The following ORC2 variants were observed in gnomAD, a reference collection of about 807,000 sequenced individuals.
ORC2 encodes origin recognition complex subunit 2, also known as origin recognition complex protein 2 homolog.
In ORC2, 37 loss-of-function variants were observed where a neutral mutation model predicts 77.7. That is an observed-to-expected ratio of 0.48 (90% CI 0.37 to 0.63). The LOEUF (loss-of-function observed/expected upper bound fraction) is 0.63, where lower values mean the gene tolerates loss of function less well. Ranked by LOEUF, ORC2 falls within the 20% of genes least tolerant of loss-of-function variation. The pLI is 0.00. For missense variants in ORC2, 557 were observed against 661.9 expected, an observed-to-expected ratio of 0.84 and a Z score of 1.74; for synonymous variants, 201 against 229.5, an observed-to-expected ratio of 0.88 and a Z score of 1.12.
chr2:200,956,955 T>A (rs1040279630), intron 4 of ORC2, among the ~76,000 whole-genome samples: 7 of 151,870 alleles, frequency 4.6e-5, no homozygotes, highest in South Asian at 4.2e-4. Context: ...AGGTGGGAGT[T>A]GAAAAATGAG....
chr2:200,941,666 C>T (rs759582775), intron 6 of ORC2, among the ~76,000 whole-genome samples: 11 of 151,918 alleles, frequency 7.2e-5, no homozygotes, highest in Admixed American at 1.3e-4. Context: ...ACAAGAAAAA[C>T]GGAGCCCTTT....
chr2:200,945,682 CTCTG>C (rs1216417597), intron 5 of ORC2, among the ~76,000 whole-genome samples: 1 of 152,054 alleles, frequency 6.6e-6, no homozygotes, highest in Non-Finnish European at 1.5e-5. Flanking sequence ...ATAAACTGGT[CTCTG>C]TCTAATGATA....
chr2:200,917,903 A>T (rs867438827), intron 15 of ORC2, among the ~76,000 whole-genome samples: 60 of 141,136 alleles, frequency 4.3e-4, no homozygotes, highest in Non-Finnish European at 6.5e-4. Flanking sequence ...AGGGGGGGTT[A>T]AAAAAAAAAA....
intron 5 of ORC2, among the ~76,000 whole-genome samples, chr2:200,943,902 T>C (rs2041201241): frequency 6.6e-6 from 1 of 152,120 alleles, no homozygotes; most frequent in Non-Finnish European, 1.5e-5. Flanking sequence ...ATTTCATCTC[T>C]TCTTCACTGT....
At chr2:200,935,648 T>C in intron 9 of ORC2, 51 bp downstream of exon 9, 1 of 1,312,858 alleles carries the variant, frequency 7.6e-7, no homozygotes, top group Non-Finnish European at 1.0e-6. Context: ...AGCCTATCTT[T>C]GAAATATTAC....
intron 13 of ORC2, among the ~76,000 whole-genome samples, chr2:200,925,018 C>G (rs2040819691): frequency 6.6e-6 from 1 of 152,152 alleles, no homozygotes; most frequent in South Asian, 2.1e-4. Flanking sequence ...GCTCGGCCTC[C>G]CAAAGTGCTG....
intron 1 of ORC2, among the ~76,000 whole-genome samples, chr2:200,961,827 T>C (rs1316693861): frequency 6.6e-6 from 1 of 152,232 alleles, no homozygotes; most frequent in Non-Finnish European, 1.5e-5. Context: ...TTTTTGGCTC[T>C]GAGCTTCCTG....
chr2:200,954,904 G>GAATGAATGAATAAATAAATAAATA (rs549218395), intron 4 of ORC2, among the ~76,000 whole-genome samples: 1 of 144,628 alleles, frequency 6.9e-6, no homozygotes, highest in Non-Finnish European at 1.5e-5. Flanking sequence ...ATGAATGAAT[G>GAATGAATGAATAAATAAATAAATA]AATAAATAAA....
chr2:200,922,294 T>C (rs1353891608), intron 13 of ORC2, among the ~76,000 whole-genome samples: 2 of 149,364 alleles, frequency 1.3e-5, no homozygotes, highest in African/African-American at 4.9e-5. Context: ...CCAAGGTCAC[T>C]GGGCTTGGTA....
At chr2:200,945,578 A>G (rs1410884165) in intron 5 of ORC2, among the ~76,000 whole-genome samples, 1 of 151,568 alleles carries the variant, frequency 6.6e-6, no homozygotes, top group East Asian at 1.9e-4. Flanking sequence ...AAAAATTATG[A>G]TATTATTTGT....
rs868090860 is a variant in ORC2 at position 200,925,742 on chromosome 2, A to G, written c.1147+94T>C. On this transcript the variant is annotated intron_variant, in intron 13 of 17. Coordinates refer to ENST00000234296, the MANE Select transcript of ORC2 (RefSeq NM_006190.5). The stretch of plus-strand genomic sequence containing the variant: ...CAACAGAGAGACTGTCTCAAAAATA[A>G]TAATAATAATATTGTATGTATATAA... 5 of 399,792 alleles carry G rather than the reference A, an allele frequency of 1.3e-5. No individual in the cohort carries two copies. In the Middle Eastern group the frequency reaches 4.1e-3, roughly 330 times the overall value. The allele number at this position is 399,792 out of a possible 1,614,324, so 24.8% of individuals were successfully genotyped here.
intron 6 of ORC2, 145 bp downstream of exon 6, chr2:200,942,540 T>C (rs2041172994): frequency 2.0e-6 from 1 of 495,184 alleles, no homozygotes. Context: ...GGTACATGAG[T>C]TGAAATATTA....
intron 5 of ORC2, 176 bp from the exon 6 acceptor site, chr2:200,942,953 A>G: frequency 2.5e-6 from 1 of 403,854 alleles, no homozygotes; most frequent in South Asian, 6.3e-5. Flanking sequence ...TCTTCCCAGA[A>G]TCTTCAAATT....
chr2:200,949,627 G>A lies in ORC2; in HGVS notation c.255C>T (p.Gly85=). Residue 85 remains glycine (G), a synonymous_variant, in exon 5 of 18, where the codon GGC becomes GGT. Coordinates refer to ENST00000234296, the MANE Select transcript of ORC2 (RefSeq NM_006190.5). ...GRDVQESLKN[G]SATGGGNKVY... ...CTTTATTTCCACCACCTGTAGCAGAGCCATTTTTCAATGATTCTGAAAGAA... is the reference window on the plus strand; with the variant it reads ...CTTTATTTCCACCACCTGTAGCAGAACCATTTTTCAATGATTCTGAAAGAA... 6.3e-7 allele frequency: 1 copy of A among 1,590,456 alleles called. No individual in the cohort carries two copies. Among genetic ancestry groups the A allele is most frequent in the Non-Finnish European group, 8.6e-7 (1 of 1,162,856 alleles).
Position 200,942,704 on chromosome 2 carries a change from G to A in ORC2, c.402C>T (p.Asn134=), listed in dbSNP as rs375562865. 6.3e-5 allele frequency: 101 copies of A among 1,604,392 alleles called. No homozygotes were observed. Among genetic ancestry groups the A allele is most frequent in the Middle Eastern group, 1.7e-4 (1 of 6,026 alleles). The change falls in exon 6 of 18, where the codon AAC becomes AAT. Residue 134 remains asparagine (N), a synonymous_variant. Coordinates refer to ENST00000234296, the MANE Select transcript of ORC2 (RefSeq NM_006190.5). Reference sequence around the variant, plus strand: ...TCTTACCCTTGCTACTTTGAGGAACGTTTATCGTAATCTCAGGATCATTCT... The same window carrying A: ...TCTTACCCTTGCTACTTTGAGGAACATTTATCGTAATCTCAGGATCATTCT... ...SLKNDPEITI[N]VPQSSKGHSA...
rs2040845556 is a variant in ORC2 at position 200,926,843 on chromosome 2, C to T, written c.975G>A (p.Arg325=). ...GLGSKRDLLE[R]FRTTMLQDSI... is the part of the protein sequence containing the mutation. ...AATCTTGCAGCATAGTGGTTCGAAA[C>T]CTTTCTAGTAAATCTCTCTTAGAAC... is the stretch of plus-strand genomic sequence containing the variant. The change falls in exon 12 of 18, where the codon AGG becomes AGA. Residue 325 remains arginine, a synonymous_variant. Coordinates refer to ENST00000234296, the MANE Select transcript of ORC2 (RefSeq NM_006190.5). 2 of 1,613,778 alleles carry T rather than the reference C, an allele frequency of 1.2e-6. No individual in the cohort carries two copies. The highest frequency in any genetic ancestry group is 1.7e-6 in the Non-Finnish European group (2 of 1,179,732).
chr2:200,929,719 C>A (rs2040905046), intron 11 of ORC2, among the ~76,000 whole-genome samples: 3 of 151,950 alleles, frequency 2.0e-5, no homozygotes, highest in African/African-American at 7.3e-5. Flanking sequence ...ATTGCTTGAA[C>A]CCAGGAGGTT....
chr2:200,927,963 C>T (rs1016326158), intron 11 of ORC2, among the ~76,000 whole-genome samples: 22 of 151,542 alleles, frequency 1.5e-4, no homozygotes, highest in Non-Finnish European at 2.4e-4. Context: ...GCTGGGATTA[C>T]AGGCATGAGC....
intron 13 of ORC2, among the ~76,000 whole-genome samples, chr2:200,924,793 C>T (rs2040816207): frequency 6.6e-6 from 1 of 152,160 alleles, no homozygotes; most frequent in African/African-American, 2.4e-5. Context: ...GAGTCTCACT[C>T]TATCACCCAG....
Sources: gnomAD v4.1 joint callset for allele counts (sites outside exome capture counted in the v4.1 genomes callset) on GRCh38, gnomAD v4.1.1 for gene constraint, MANE v1.5 for transcripts, NCBI Gene and HGNC (gene_info 2026-07-23, HGNC 2026-07-21) for gene names.